The following HS3ST2 variants were observed in gnomAD, a reference collection of about 807,000 sequenced individuals.
HS3ST2 encodes the protein heparan sulfate glucosamine 3-O-sulfotransferase 2.
HS3ST2 carries 17 observed loss-of-function variants against 26.3 expected under a neutral mutation model. The observed-to-expected ratio is 0.65, with a 90% CI of 0.44 to 0.97. HS3ST2 has a LOEUF of 0.97. Among genes scored for constraint, HS3ST2 ranks in the 50% least tolerant of loss-of-function variants. The pLI, the probability that HS3ST2 is intolerant of heterozygous loss-of-function variation, is 0.00. For synonymous variants in HS3ST2, 237 were observed against 219.2 expected (o/e 1.08, Z -0.72); for missense variants, 402 against 501.2 (o/e 0.80, Z 1.89).
chr16:22,823,772 G>A (rs1901039637), intron 1 of HS3ST2, among the ~76,000 whole-genome samples: 1 of 152,320 alleles, frequency 6.6e-6, no homozygotes, highest in South Asian at 2.1e-4. Flanking sequence ...GGGTGATAGA[G>A]TGAGACTGTT....
chr16:22,881,702 C>T (rs1184700765), intron 1 of HS3ST2, among the ~76,000 whole-genome samples: 4 of 152,164 alleles, frequency 2.6e-5, no homozygotes, highest in Non-Finnish European at 5.9e-5. Context: ...GAAGACTCTT[C>T]ACAGCATCTA....
At chr16:22,868,444 T>C (rs1901787191) in intron 1 of HS3ST2, among the ~76,000 whole-genome samples, 1 of 148,594 alleles carries the variant, frequency 6.7e-6, no homozygotes, top group Non-Finnish European at 1.5e-5. Context: ...TGGAAGGATC[T>C]ACAACACACT....
intron 1 of HS3ST2, among the ~76,000 whole-genome samples, chr16:22,849,318 AC>A (rs1901487874): frequency 6.6e-6 from 1 of 152,190 alleles, no homozygotes; most frequent in Non-Finnish European, 1.5e-5. Flanking sequence ...AAGCCAGCCC[AC>A]CCAGAGACTA....
intron 1 of HS3ST2, among the ~76,000 whole-genome samples, chr16:22,825,572 G>A (rs1901072460): frequency 6.6e-6 from 1 of 152,184 alleles, no homozygotes; most frequent in Non-Finnish European, 1.5e-5. Flanking sequence ...AAGCTTCCTG[G>A]AGGAGGTGGT....
chr16:22,888,483 T>C (rs1902093153), intron 1 of HS3ST2, among the ~76,000 whole-genome samples: 1 of 147,964 alleles, frequency 6.8e-6, no homozygotes, highest in Non-Finnish European at 1.5e-5. Flanking sequence ...ACCTCCCGGG[T>C]TCAAGCAATT....
rs577959802 is a variant in HS3ST2 at position 22,842,186 on chromosome 16, C to T, written c.485+27091C>T. ...AAGTGATTCTCCTGCCTCAGCCTTC[C>T]GAGTAGCTGGGACTAAAGGCATGTG... On this transcript the variant is annotated intron_variant, in intron 1 of 1. Coordinates refer to ENST00000261374, the MANE Select transcript of HS3ST2 (RefSeq NM_006043.2). Among the ~76,000 whole-genome samples the T allele has an allele frequency of 1.4e-4, 21 of 151,448 alleles. No homozygotes were observed. The East Asian group carries it at 2.1e-3, about 15-fold the overall frequency.
In HS3ST2 at chr16:22,880,263, T is replaced by A. The variant is rs549372438; in HGVS notation, c.486-34681T>A. Among the ~76,000 whole-genome samples, 3 of 151,890 alleles carry A rather than the reference T, an allele frequency of 2.0e-5. No homozygotes were observed. The East Asian group carries it at 5.8e-4, about 30-fold the overall frequency. On this transcript the variant is annotated intron_variant, in intron 1 of 1. Coordinates refer to ENST00000261374, the MANE Select transcript of HS3ST2 (RefSeq NM_006043.2). ...GCAAGACCCTATCTCTAAAAAACAT[T>A]AAAAAATTAGCTGGGTGTGGTGGCA...
intron 1 of HS3ST2, among the ~76,000 whole-genome samples, chr16:22,894,735 TAAAA>T (rs775796299): frequency 7.5e-6 from 1 of 133,970 alleles, no homozygotes; most frequent in Non-Finnish European, 1.6e-5. Flanking sequence ...CTCCGTCTCT[TAAAA>T]AAAAAAAAAA....
In HS3ST2 at chr16:22,915,483, T is replaced by C. The variant is rs760611902; in HGVS notation, c.1025T>C (p.Ile342Thr). Residue 342 changes from isoleucine to threonine, a missense_variant, in exon 2 of 2, where the codon ATA becomes ACA. By Grantham distance (89) the Ile-to-Thr change is moderately conservative. Transcript: ENST00000261374. ...RTHVQIDPEV[I>T]DQLREFYRPY... ...CATGTACAGATTGATCCTGAAGTGATAGACCAGCTCCGAGAATTTTATAGA... is the reference window on the plus strand; with the variant it reads ...CATGTACAGATTGATCCTGAAGTGACAGACCAGCTCCGAGAATTTTATAGA... 33 of 1,613,950 alleles carry C rather than the reference T, an allele frequency of 2.0e-5. No homozygotes were observed. Among genetic ancestry groups the C allele is most frequent in the Non-Finnish European group, 7.6e-6 (9 of 1,180,014 alleles).
chr16:22,837,628 C>G (rs1377593177), intron 1 of HS3ST2, among the ~76,000 whole-genome samples: 2 of 127,714 alleles, frequency 1.6e-5, no homozygotes, highest in African/African-American at 7.0e-5. Flanking sequence ...TATATACACA[C>G]AAACACACAC....
intron 1 of HS3ST2, among the ~76,000 whole-genome samples, chr16:22,818,721 TTCCC>T (rs1388610545): frequency 1.7e-5 from 1 of 60,084 alleles, no homozygotes; most frequent in Non-Finnish European, 3.1e-5. Context: ...CCTTCCTTCC[TTCCC>T]TCCCTCCCTC....
At chr16:22,890,484 C>T (rs768470441) in intron 1 of HS3ST2, among the ~76,000 whole-genome samples, 1 of 152,146 alleles carries the variant, frequency 6.6e-6, no homozygotes, top group African/African-American at 2.4e-5. Context: ...TTAAAGAGAT[C>T]CCAGTTATAT....
intron 1 of HS3ST2, among the ~76,000 whole-genome samples, chr16:22,881,438 C>G (rs1378651582): frequency 6.6e-6 from 1 of 152,152 alleles, no homozygotes; most frequent in Non-Finnish European, 1.5e-5. Flanking sequence ...GGTCTCTACC[C>G]CTTCTCCTGT....
At position 22,871,599 on chromosome 16, in the gene HS3ST2, C is replaced by A. The variant is rs182772851; in HGVS notation, c.486-43345C>A. Among the ~76,000 whole-genome samples the A allele has an allele frequency of 2.2e-4, 33 of 152,220 alleles. 1 individual carries two copies. Among genetic ancestry groups the A allele is most frequent in the African/African-American group, 7.5e-4 (31 of 41,534 alleles). On this transcript the variant is annotated intron_variant, in intron 1 of 1. Transcript: ENST00000261374. The stretch of plus-strand genomic sequence containing the variant: ...TGTTATGCACCTTACTGTCTGTATC[C>A]CCACAAAAACACAATCTCCATAGGT...
chr16:22,877,136 AAAAATGTC>A (rs1346471276), intron 1 of HS3ST2, among the ~76,000 whole-genome samples: 1 of 152,194 alleles, frequency 6.6e-6, no homozygotes, highest in Non-Finnish European at 1.5e-5. Context: ...GAAATACAAA[AAAAATGTC>A]AGCTATATCA....
chr16:22,899,305 G>A (rs906808957), intron 1 of HS3ST2, among the ~76,000 whole-genome samples: 2 of 152,168 alleles, frequency 1.3e-5, no homozygotes, highest in East Asian at 3.9e-4. Context: ...CGGCTGGGTT[G>A]ACCGGCTCCA....
At chr16:22,826,284 C>T (rs1047336504) in intron 1 of HS3ST2, among the ~76,000 whole-genome samples, 8 of 152,090 alleles carry the variant, frequency 5.3e-5, no homozygotes. Context: ...GAGCTGGTGC[C>T]TATGTTTTGG....
chr16:22,819,461 T>C (rs1292303499), intron 1 of HS3ST2, among the ~76,000 whole-genome samples: 4 of 152,188 alleles, frequency 2.6e-5, no homozygotes, highest in Non-Finnish European at 1.5e-5. Context: ...CTGTGTGTAG[T>C]AGTTTTTAGA....
intron 1 of HS3ST2, among the ~76,000 whole-genome samples, chr16:22,911,110 G>A (rs185135005): frequency 6.6e-6 from 1 of 152,314 alleles, no homozygotes; most frequent in African/African-American, 2.4e-5. Flanking sequence ...AGTACTGAGG[G>A]TTCAATGGAA....
Sources: gnomAD v4.1 joint callset for allele counts (sites outside exome capture counted in the v4.1 genomes callset) on GRCh38, gnomAD v4.1.1 for gene constraint, MANE v1.5 for transcripts, NCBI Gene and HGNC (gene_info 2026-07-23, HGNC 2026-07-21) for gene names.